The following RGS22 variants were observed in gnomAD, a reference collection of about 807,000 sequenced individuals.
RGS22 encodes regulator of G-protein signaling 22.
A neutral mutation model predicts 172.9 loss-of-function variants in RGS22; 148 were observed. The ratio of observed to expected loss-of-function variants is 0.86; its 90% CI spans 0.75 to 0.98. The LOEUF (loss-of-function observed/expected upper bound fraction) is 0.98, where lower values mean the gene tolerates loss of function less well. Ranked by LOEUF, RGS22 falls within the 50% of genes least tolerant of loss-of-function variation. The probability of loss-of-function intolerance (pLI) is 0.00; values close to 1 mark genes in which losing one functional copy is unlikely to be tolerated. For missense variants in RGS22, 1,347 were observed against 1,440.8 expected (o/e 0.93, Z 1.05); for synonymous variants, 458 against 480.2 (o/e 0.95, Z 0.60).
At chr8:99,990,083 A>C (rs1813547743) in intron 20 of RGS22, among the ~76,000 whole-genome samples, 1 of 152,144 alleles carries the variant, frequency 6.6e-6, no homozygotes, top group Non-Finnish European at 1.5e-5. Flanking sequence ...TGCAGAATAA[A>C]GAAAAATACA....
chr8:100,073,223 TG>T, intron 4 of RGS22, among the ~76,000 whole-genome samples: 1 of 152,182 alleles, frequency 6.6e-6, no homozygotes, highest in African/African-American at 2.4e-5. Context: ...GTGATAGTTT[TG>T]CTATGATATT....
At chr8:100,054,871 C>T (rs1423794781) in intron 9 of RGS22, among the ~76,000 whole-genome samples, 2 of 152,196 alleles carry the variant, frequency 1.3e-5, no homozygotes, top group African/African-American at 4.8e-5. Flanking sequence ...GCTGGCAGAA[C>T]TCCTCATGGC....
At chr8:99,978,432 T>TGC (rs1812214366) in intron 22 of RGS22, among the ~76,000 whole-genome samples, 2 of 152,318 alleles carry the variant, frequency 1.3e-5, no homozygotes, top group African/African-American at 4.8e-5. Flanking sequence ...CCATACACTC[T>TGC]GCTGTTTTAT....
intron 3 of RGS22, among the ~76,000 whole-genome samples, chr8:100,088,832 G>A (rs1812348255): frequency 6.6e-6 from 1 of 152,020 alleles, no homozygotes; most frequent in South Asian, 2.1e-4. Flanking sequence ...ATTACAGATA[G>A]GGAAAAAGTC....
intron 24 of RGS22, among the ~76,000 whole-genome samples, chr8:99,964,822 T>C (rs1024015523): frequency 1.1e-4 from 17 of 152,162 alleles, no homozygotes; most frequent in Non-Finnish European, 1.5e-4. Flanking sequence ...TCATCAAAAA[T>C]AGACATAAGT....
Position 99,996,571 on chromosome 8 carries a change from T to G in RGS22, c.2950-41A>C, listed in dbSNP as rs186660073. 194 of 1,505,828 alleles carry G rather than the reference T, an allele frequency of 1.3e-4. 2 individuals carry two copies. In the East Asian group the frequency reaches 4.1e-3, roughly 32 times the overall value. 93.3% of individuals were successfully genotyped at this position (1,505,828 alleles called of 1,614,324 possible). The stretch of plus-strand genomic sequence containing the variant: ...ATTATTTTATCCCAGTTATTCAGAC[T>G]AAAGGCTTGAAATCATTTACTAATT... On this transcript the variant is annotated intron_variant, in intron 19 of 27. Coordinates refer to ENST00000360863, the MANE Select transcript of RGS22 (RefSeq NM_015668.5).
At chr8:100,104,946 A>G (rs558166067) in intron 2 of RGS22, among the ~76,000 whole-genome samples, 1 of 152,362 alleles carries the variant, frequency 6.6e-6, no homozygotes, top group South Asian at 2.1e-4. Context: ...ACCTCTCTAG[A>G]AGTCTGAAAT....
Position 100,008,390 on chromosome 8 carries a change from T to C in RGS22, c.2346A>G (p.Gln782=), listed in dbSNP as rs1397631422. 1 of 1,609,856 alleles carries C rather than the reference T, an allele frequency of 6.2e-7. No individual in the cohort carries two copies. ...EPWTKMVKSD[Q]IAYKKVELVE... ...GGCACGGTACCTTTTTATAAGCAAT[T>C]TGGTCCGATTTTACCATCTTTGTCC... is the stretch of plus-strand genomic sequence containing the variant. The change falls in exon 15 of 28, where the codon CAA becomes CAG. Residue 782 remains glutamine (Q), a synonymous_variant. Transcript: ENST00000360863.
At chr8:99,975,604 C>CA (rs201476595) in intron 23 of RGS22, among the ~76,000 whole-genome samples, 13,418 of 135,912 alleles carry the variant, frequency 0.099, 722 homozygotes, top group African/African-American at 0.16. Context: ...ATTAGATGAC[C>CA]AAAAAAAAAA....
intron 22 of RGS22, among the ~76,000 whole-genome samples, chr8:99,981,086 C>T (rs912899063): frequency 3.2e-4 from 48 of 152,170 alleles, no homozygotes; most frequent in African/African-American, 1.2e-3. Flanking sequence ...GTCTCTGTTT[C>T]ATATCACTTC....
chr8:99,968,916 G>A (rs543271113), intron 23 of RGS22, among the ~76,000 whole-genome samples: 2 of 152,116 alleles, frequency 1.3e-5, no homozygotes, highest in South Asian at 4.2e-4. Flanking sequence ...GCAACCCCAA[G>A]ATACATAATC....
At chr8:100,028,427 C>G (rs1426249395) in intron 14 of RGS22, among the ~76,000 whole-genome samples, 1 of 139,416 alleles carries the variant, frequency 7.2e-6, no homozygotes, top group Non-Finnish European at 1.5e-5. Flanking sequence ...GAAAAGCAAG[C>G]TTCTTTATAC....
At chr8:99,980,452 C>T (rs1812432889) in intron 22 of RGS22, among the ~76,000 whole-genome samples, 2 of 151,876 alleles carry the variant, frequency 1.3e-5, no homozygotes, top group African/African-American at 2.4e-5. Flanking sequence ...GTTTTAGGAA[C>T]GGATTAGATA....
chr8:100,038,333 A>AT (rs34036546), intron 14 of RGS22, among the ~76,000 whole-genome samples: 26 of 149,828 alleles, frequency 1.7e-4, no homozygotes, highest in Middle Eastern at 6.5e-3. Flanking sequence ...TTCCCCCTCT[A>AT]TTTTTTTTTT....
chr8:100,016,245 TTAG>T (rs1816932697), intron 14 of RGS22, among the ~76,000 whole-genome samples: 1 of 152,150 alleles, frequency 6.6e-6, no homozygotes, highest in Admixed American at 6.5e-5. Flanking sequence ...AATATACAAT[TTAG>T]AACTTGGGTT....
intron 8 of RGS22, 109 bp from the exon 9 acceptor site, chr8:100,062,861 A>G (rs1446302129): frequency 1.1e-6 from 1 of 870,250 alleles, no homozygotes; most frequent in East Asian, 2.7e-5. Context: ...AGACTTTCCT[A>G]AAACAGGGTT....
chr8:99,963,035 GAAGAT>G (rs1810380025), intron 24 of RGS22, 57 bp from the exon 25 acceptor site: 1 of 1,381,394 alleles, frequency 7.2e-7, no homozygotes, highest in Non-Finnish European at 9.8e-7. Context: ...GAAATAAACT[GAAGAT>G]AAGATGTCTT....
At chr8:100,064,528 GT>G (rs1447312282) in intron 7 of RGS22, among the ~76,000 whole-genome samples, 4 of 152,040 alleles carry the variant, frequency 2.6e-5, no homozygotes, top group Non-Finnish European at 4.4e-5. Context: ...TTTGGAACCA[GT>G]AGAAAAAAAC....
chr8:100,063,772 A>G lies in RGS22; in HGVS notation c.996T>C (p.Val332=), dbSNP rs1810332960. 3 of 1,614,112 alleles carry G rather than the reference A, an allele frequency of 1.9e-6. No homozygotes were observed. The highest frequency in any genetic ancestry group is 2.5e-6 in the Non-Finnish European group (3 of 1,180,006). Residue 332 remains valine, a synonymous_variant, in exon 8 of 28, where the codon GTT becomes GTC. Transcript: ENST00000360863. Reference sequence around the variant, plus strand: ...CTGGGGTTTCTCCAACTGGCTTTCCAACAATTTGCTGAATTGCTCCTCTCA... The same window carrying G: ...CTGGGGTTTCTCCAACTGGCTTTCCGACAATTTGCTGAATTGCTCCTCTCA... The part of the protein sequence containing the change: ...FILRGAIQQI[V]GKPVGETPDY...
Sources: allele counts gnomAD v4.1 joint callset (sites outside exome capture counted in the v4.1 genomes callset), GRCh38; gene constraint gnomAD v4.1.1; transcripts MANE v1.5; gene names NCBI Gene and HGNC (gene_info 2026-07-23, HGNC 2026-07-21).